GMDS: variants seen among roughly 807,000 people sequenced by gnomAD.
GMDS encodes GDP-mannose 4,6-dehydratase.
Under a neutral mutation model 49.9 loss-of-function variants are expected in GMDS, and 20 were observed. The observed-to-expected ratio is 0.40, with a 90% CI of 0.28 to 0.58. The LOEUF (loss-of-function observed/expected upper bound fraction) is 0.58. Among genes scored for constraint, GMDS ranks in the 20% least tolerant of loss-of-function variants. GMDS has a pLI of 0.42. For missense variants in GMDS, 362 were observed against 481.4 expected (o/e 0.75, Z 2.32); for synonymous variants, 177 against 178.6 (o/e 0.99, Z 0.07).
chr6:1,736,607 C>T (rs1269485123), intron 8 of GMDS, among the ~76,000 whole-genome samples: 2 of 152,178 alleles, frequency 1.3e-5, no homozygotes, highest in Non-Finnish European at 2.9e-5. Context: ...AGATTTTACT[C>T]CACCTGGTCA....
chr6:2,199,960 T>C (rs956713896), intron 1 of GMDS, among the ~76,000 whole-genome samples: 1 of 152,226 alleles, frequency 6.6e-6, no homozygotes, highest in African/African-American at 2.4e-5. Flanking sequence ...GTAAATGCTA[T>C]TCCATACCAT....
intron 9 of GMDS, among the ~76,000 whole-genome samples, chr6:1,638,907 T>G (rs1229193091): frequency 2.6e-5 from 4 of 152,140 alleles, no homozygotes; most frequent in African/African-American, 9.7e-5. Flanking sequence ...CTACAACTAC[T>G]TAGCTCATGA....
intron 7 of GMDS, among the ~76,000 whole-genome samples, chr6:1,792,128 G>A (rs62388413): frequency 3.9e-5 from 6 of 152,038 alleles, no homozygotes; most frequent in Non-Finnish European, 7.4e-5. Context: ...TATATTCATA[G>A]TAGCAATTAT....
rs73716975 is a variant in GMDS, at chr6:2,222,159, T to A, written c.102+23162A>T. On this transcript the variant is annotated intron_variant, in intron 1 of 10. Coordinates refer to ENST00000380815, the MANE Select transcript of GMDS (RefSeq NM_001500.4). Reference sequence around the variant, plus strand: ...TTTACACACTGTCACCAAATTACGATGCAAATTCTATGGAAATCATTAGAC... The same window carrying A: ...TTTACACACTGTCACCAAATTACGAAGCAAATTCTATGGAAATCATTAGAC... Among the ~76,000 whole-genome samples the A allele has an allele frequency of 8.8e-3, 1,339 of 152,304 alleles. 21 individuals are homozygous for A. Among genetic ancestry groups the A allele is most frequent in the African/African-American group, 0.031 (1,271 of 41,558 alleles).
At chr6:1,889,620 A>G (rs1375264518) in intron 7 of GMDS, among the ~76,000 whole-genome samples, 1 of 152,154 alleles carries the variant, frequency 6.6e-6, no homozygotes, top group Non-Finnish European at 1.5e-5. Context: ...TAAGATTTTT[A>G]CTACTTAAAA....
At chr6:2,172,569 T>A (rs1412240484) in intron 1 of GMDS, among the ~76,000 whole-genome samples, 1 of 152,024 alleles carries the variant, frequency 6.6e-6, no homozygotes, top group Non-Finnish European at 1.5e-5. Context: ...GGTGGGCACC[T>A]ATAATCCCAG....
chr6:2,114,827 A>T (rs146373407), intron 4 of GMDS, among the ~76,000 whole-genome samples: 1 of 152,198 alleles, frequency 6.6e-6, no homozygotes, highest in African/African-American at 2.4e-5. Flanking sequence ...TTAAACAAGC[A>T]GAGGTATATA....
intron 1 of GMDS, among the ~76,000 whole-genome samples, chr6:2,162,619 C>T (rs1777456070): frequency 6.7e-6 from 1 of 150,222 alleles, no homozygotes; most frequent in Non-Finnish European, 1.5e-5. Context: ...ATTCCTGGTT[C>T]AAATAATAGA....
intron 7 of GMDS, among the ~76,000 whole-genome samples, chr6:1,911,043 T>G (rs1218464443): frequency 6.6e-6 from 1 of 152,140 alleles, no homozygotes; most frequent in African/African-American, 2.4e-5. Context: ...GACCCTACAG[T>G]CAGGGAAAGA....
chr6:1,819,012 A>G (rs1358971997), intron 7 of GMDS, among the ~76,000 whole-genome samples: 2 of 152,112 alleles, frequency 1.3e-5, no homozygotes, highest in Non-Finnish European at 2.9e-5. Flanking sequence ...ATTTACACAT[A>G]TATATTTAAC....
intron 4 of GMDS, among the ~76,000 whole-genome samples, chr6:1,996,448 A>T (rs1380966355): frequency 6.6e-6 from 1 of 152,228 alleles, no homozygotes; most frequent in Non-Finnish European, 1.5e-5. Flanking sequence ...AAGCTCATGT[A>T]ACAGTGATAG....
In GMDS at chr6:2,191,727, G is replaced by A. The variant is rs1372750870; in HGVS notation, c.102+53594C>T. Among the ~76,000 whole-genome samples the A allele has an allele frequency of 6.6e-6, 1 of 152,232 alleles. No individual in the cohort carries two copies. Among genetic ancestry groups the A allele is most frequent in the Non-Finnish European group, 1.5e-5 (1 of 68,038 alleles). On this transcript the variant is annotated intron_variant, in intron 1 of 10. Coordinates refer to ENST00000380815, the MANE Select transcript of GMDS (RefSeq NM_001500.4). The surrounding 1 kb of genome is among the most constrained non-coding windows in gnomAD (Gnocchi z 4.6). ...AAGCATGGGATGTGGAACCTAGGGG[G>A]ACACTGAGAGCAGCTTGATGCTGGC... is the stretch of plus-strand genomic sequence containing the variant.
intron 9 of GMDS, among the ~76,000 whole-genome samples, chr6:1,704,776 C>T (rs1281092619): frequency 2.0e-5 from 3 of 150,232 alleles, no homozygotes; most frequent in Admixed American, 6.7e-5. Context: ...TCCCTGCCTG[C>T]GTGGAGCTTG....
chr6:2,186,299 G>A (rs907214774), intron 1 of GMDS, among the ~76,000 whole-genome samples: 8 of 152,206 alleles, frequency 5.3e-5, no homozygotes, highest in African/African-American at 1.9e-4. Flanking sequence ...CACTTCAGAT[G>A]TTTATGTTAC....
intron 7 of GMDS, among the ~76,000 whole-genome samples, chr6:1,756,861 G>A (rs1365294113): frequency 6.6e-6 from 1 of 152,208 alleles, no homozygotes; most frequent in Non-Finnish European, 1.5e-5. Context: ...AGCATCCTAA[G>A]GCCTTGGCCT....
intron 6 of GMDS, among the ~76,000 whole-genome samples, chr6:1,937,066 C>T (rs189199936): frequency 2.6e-5 from 4 of 152,088 alleles, no homozygotes; most frequent in South Asian, 4.2e-4. Flanking sequence ...TGTTTAGATA[C>T]ACCAATACAC....
At chr6:2,000,843 A>C (rs967459606) in intron 4 of GMDS, among the ~76,000 whole-genome samples, 7 of 152,202 alleles carry the variant, frequency 4.6e-5, no homozygotes, top group Non-Finnish European at 7.3e-5. Flanking sequence ...CCTTTCTAAG[A>C]AATACTATTC....
In GMDS at chr6:1,742,598, G is replaced by A; in HGVS notation, c.772-12C>T. ...ATCAACCACATAGCCTAGAGGGAAA[G>A]AGAGGCAAGTTCACTTTGAAGTCAC... On this transcript the variant is annotated splice_polypyrimidine_tract_variant and intron_variant, in intron 7 of 10. Coordinates refer to ENST00000380815, the MANE Select transcript of GMDS (RefSeq NM_001500.4). 6.9e-7 allele frequency: 1 copy of A among 1,452,558 alleles called. No individual in the cohort carries two copies. Among genetic ancestry groups the A allele is most frequent in the Non-Finnish European group, 9.7e-7 (1 of 1,035,528 alleles). 90.0% of individuals were successfully genotyped at this position (1,452,558 alleles called of 1,614,324 possible).
intron 4 of GMDS, among the ~76,000 whole-genome samples, chr6:1,983,525 A>C (rs1431083530): frequency 6.6e-6 from 1 of 152,196 alleles, no homozygotes; most frequent in Admixed American, 6.5e-5. Flanking sequence ...ACTTAAATCT[A>C]CAAGAAAAAA....
Sources: allele counts gnomAD v4.1 joint callset (sites outside exome capture counted in the v4.1 genomes callset), GRCh38; gene constraint gnomAD v4.1.1; non-coding constraint Gnocchi (gnomAD v3.1); transcripts MANE v1.5; gene names NCBI Gene and HGNC (gene_info 2026-07-23, HGNC 2026-07-21).